DAPK1: variants seen among roughly 807,000 people sequenced by gnomAD.
DAPK1 encodes the protein death-associated protein kinase 1.
In DAPK1, 56 loss-of-function variants were observed where a neutral mutation model predicts 144.9. The observed-to-expected ratio is 0.39, with a 90% confidence interval of 0.31 to 0.48. The LOEUF is 0.48. Ranked by LOEUF, DAPK1 falls within the 20% of genes least tolerant of loss-of-function variation. The probability of loss-of-function intolerance (pLI) is 0.95; values close to 1 mark genes in which losing one functional copy is unlikely to be tolerated. For missense variants in DAPK1, 1,454 were observed against 1,875.4 expected, an observed-to-expected ratio of 0.78 and a Z score of 4.15; for synonymous variants, 690 against 749.0, an observed-to-expected ratio of 0.92 and a Z score of 1.29.
At chr9:87,557,654 T>C (rs574259592) in intron 2 of DAPK1, among the ~76,000 whole-genome samples, 26 of 152,178 alleles carry the variant, frequency 1.7e-4, no homozygotes, top group Non-Finnish European at 3.4e-4. Flanking sequence ...AAATACCTAA[T>C]CCTTGGCAGG....
At chr9:87,657,921 C>T in intron 17 of DAPK1, 108 bp from the exon 18 acceptor site, 1 of 710,066 alleles carries the variant, frequency 1.4e-6, no homozygotes, top group Non-Finnish European at 2.6e-6. Context: ...TGGCTCCTTC[C>T]TCCTTTCTGG....
chr9:87,680,041 A>G (rs1339387808), intron 19 of DAPK1, among the ~76,000 whole-genome samples: 1 of 151,056 alleles, frequency 6.6e-6, no homozygotes, highest in African/African-American at 2.4e-5. Flanking sequence ...TAAATTTTTG[A>G]TTATCCTTTT....
At chr9:87,701,680 C>CCTGT (rs1825458665) in intron 24 of DAPK1, among the ~76,000 whole-genome samples, 2 of 151,474 alleles carry the variant, frequency 1.3e-5, no homozygotes, top group South Asian at 4.2e-4. Flanking sequence ...CGGGCAGATG[C>CCTGT]CTGTCTCCCT....
intron 2 of DAPK1, among the ~76,000 whole-genome samples, chr9:87,604,624 T>A (rs1190291740): frequency 6.6e-6 from 1 of 152,204 alleles, no homozygotes; most frequent in Non-Finnish European, 1.5e-5. Flanking sequence ...GAAAAGAGTT[T>A]GCTGGAAGTG....
chr9:87,505,549 C>T (rs1824554452), intron 2 of DAPK1, among the ~76,000 whole-genome samples: 1 of 152,078 alleles, frequency 6.6e-6, no homozygotes, highest in Non-Finnish European at 1.5e-5. Flanking sequence ...GCGCCTGCCA[C>T]CGTGCCTGGC....
At chr9:87,637,542 C>G (rs1442871351) in intron 3 of DAPK1, among the ~76,000 whole-genome samples, 2 of 152,208 alleles carry the variant, frequency 1.3e-5, no homozygotes, top group African/African-American at 4.8e-5. Context: ...CAGGTACTCT[C>G]TAATTGAAAT....
intron 2 of DAPK1, among the ~76,000 whole-genome samples, chr9:87,510,204 G>A (rs148345491): frequency 4.4e-4 from 67 of 152,260 alleles, no homozygotes; most frequent in African/African-American, 1.5e-3. Context: ...CACGTATGGA[G>A]CAGACAGGGT....
rs150720867 is a variant in DAPK1, at chr9:87,573,809, G to C, written c.63-31145G>C. ...CCCCTTATCTCTATAATTCTAATGA[G>C]AGCTCATCTTTGATTATTTTGAGTT... On this transcript the variant is annotated intron_variant, in intron 2 of 25. Transcript: ENST00000408954. 2.8e-3 allele frequency among the ~76,000 whole-genome samples: 433 copies of C among 152,296 alleles called. 4 individuals carry two copies. The highest frequency in any genetic ancestry group is 0.01 in the African/African-American group (425 of 41,566).
chr9:87,683,093 T>A (rs11141945), intron 20 of DAPK1, among the ~76,000 whole-genome samples: 7 of 110,938 alleles, frequency 6.3e-5, no homozygotes, highest in African/African-American at 1.9e-4. Context: ...TTATTTTTTT[T>A]TTTTTTTGAG....
Position 87,707,523 on chromosome 9 carries a change from A to G in DAPK1, c.*159A>G, listed in dbSNP as rs558759405. 4.6e-4 allele frequency: 275 copies of G among 600,828 alleles called. 3 individuals are homozygous for G. Among genetic ancestry groups the G allele is most frequent in the Admixed American group, 3.6e-4 (12 of 33,728 alleles). The allele number at this position is 600,828 out of a possible 1,614,324, so 37.2% of individuals were successfully genotyped here. The stretch of plus-strand genomic sequence containing the variant: ...CGGCTTGACCTGTTTCTCTGCCGCT[A>G]CCTCCCTCCCCGTCTCATTCCGTTG... On this transcript the variant is annotated 3_prime_UTR_variant, in exon 26 of 26. Transcript: ENST00000408954. The surrounding 1 kb of genome is among the most constrained non-coding windows in gnomAD (Gnocchi z 4.0).
chr9:87,658,105 C>A lies in DAPK1; in HGVS notation c.1901C>A (p.Ala634Asp). The A allele has an allele frequency of 6.7e-7, 1 of 1,499,694 alleles. No homozygotes were observed. The highest frequency in any genetic ancestry group is 1.1e-5 in the South Asian group (1 of 88,038). 92.9% of individuals were successfully genotyped at this position (1,499,694 alleles called of 1,614,324 possible). A position where few individuals can be genotyped will look rare whatever the true frequency, so the allele number is the denominator to read the frequency against. ...DVVRYLCLMG[A>D]SVEALTTDGK... is the part of the protein sequence containing the mutation. The stretch of plus-strand genomic sequence containing the variant: ...GTCCGGTATCTCTGTCTGATGGGAG[C>A]CAGCGTTGAGGCGCTGACCACGGTG... Residue 634 changes from alanine to aspartate, a missense_variant, in exon 18 of 26, where the codon GCC (alanine) becomes GAC (aspartate). Transcript: ENST00000408954.
At position 87,498,037 on chromosome 9, in the gene DAPK1, T is replaced by C. The variant is rs1230569830; in HGVS notation, c.-179T>C. ...GTTCCCGCCGCCGCCCCGGCTAGTCTCCGGCGCTGGCGCCTATGGTCGGCC... is the reference window on the plus strand; with the variant it reads ...GTTCCCGCCGCCGCCCCGGCTAGTCCCCGGCGCTGGCGCCTATGGTCGGCC... On this transcript the variant is annotated 5_prime_UTR_variant, in exon 1 of 26. Transcript: ENST00000408954. 2 of 397,720 alleles carry C rather than the reference T, an allele frequency of 5.0e-6. No individual in the cohort carries two copies. Among genetic ancestry groups the C allele is most frequent in the Non-Finnish European group, 8.9e-6 (2 of 225,686 alleles). 24.6% of individuals were successfully genotyped at this position (397,720 alleles called of 1,614,324 possible). A position where few individuals can be genotyped will look rare whatever the true frequency, so the allele number is the denominator to read the frequency against.
At chr9:87,632,904 GTATA>G (rs139806970) in intron 3 of DAPK1, 34 of 804,456 alleles carry the variant, frequency 4.2e-5, no homozygotes, top group East Asian at 1.5e-4. Context: ...AGGAGGATGA[GTATA>G]TATATATATA....
At chr9:87,576,730 G>A (rs373156195) in intron 2 of DAPK1, among the ~76,000 whole-genome samples, 2 of 152,128 alleles carry the variant, frequency 1.3e-5, no homozygotes, top group African/African-American at 4.8e-5. Flanking sequence ...GCCAATTTTT[G>A]TATTTTTAGT....
chr9:87,563,303 C>T (rs1346130789), intron 2 of DAPK1, among the ~76,000 whole-genome samples: 1 of 152,162 alleles, frequency 6.6e-6, no homozygotes, highest in Non-Finnish European at 1.5e-5. Flanking sequence ...CAATTGAGGG[C>T]ACAAAGATGA....
At chr9:87,525,069 C>T (rs1041044387) in intron 2 of DAPK1, among the ~76,000 whole-genome samples, 1 of 152,142 alleles carries the variant, frequency 6.6e-6, no homozygotes, top group African/African-American at 2.4e-5. Context: ...GAAACAAAAA[C>T]CGAACAGTGT....
chr9:87,534,901 TC>T (rs1825811366), intron 2 of DAPK1, among the ~76,000 whole-genome samples: 1 of 152,160 alleles, frequency 6.6e-6, no homozygotes. Flanking sequence ...TGCCTCGGCC[TC>T]CTAAAGTGCT....
Position 87,703,173 on chromosome 9 carries a change from G to A in DAPK1, c.3016G>A (p.Glu1006Lys), listed in dbSNP as rs776149364. The change falls in exon 25 of 26, where the codon GAG becomes AAG. Residue 1006 changes from glutamate to lysine, a missense_variant. Around this residue, in one of 2 missense-constraint regions of DAPK1, gnomAD observed 1,025 missense variants for 1,237.9 expected, o/e 0.83. Transcript: ENST00000408954. ...CCAGCTGAACCCCCTGGCCAGCGAG[G>A]AGGACCTCAGGCGCATTGCTCAGCA... ...QDQLNPLASE[E>K]DLRRIAQQLH... 5 of 1,613,042 alleles carry A rather than the reference G, an allele frequency of 3.1e-6. No homozygotes were observed. Among genetic ancestry groups the A allele is most frequent in the Admixed American group, 1.7e-5 (1 of 60,010 alleles).
At chr9:87,502,598 C>T (rs1824445057) in intron 2 of DAPK1, among the ~76,000 whole-genome samples, 1 of 152,162 alleles carries the variant, frequency 6.6e-6, no homozygotes, top group South Asian at 2.1e-4. Flanking sequence ...ACACTGCTTT[C>T]CTGAGGGACT....
Sources: gnomAD v4.1 joint callset for allele counts (sites outside exome capture counted in the v4.1 genomes callset) on GRCh38, gnomAD v4.1.1 for gene constraint, gnomAD v4.1.1 regional missense constraint, Gnocchi (gnomAD v3.1) non-coding constraint, MANE v1.5 for transcripts, NCBI Gene and HGNC (gene_info 2026-07-23, HGNC 2026-07-21) for gene names.